ST3GAL4: variants seen among roughly 807,000 people sequenced by gnomAD.
ST3GAL4 encodes CMP-N-acetylneuraminate-beta-galactosamide-alpha-2,3-sialyltransferase 4.
In ST3GAL4, 24 loss-of-function variants were observed where a neutral mutation model predicts 42.6. The observed-to-expected ratio is 0.56, with a 90% CI of 0.41 to 0.79. The LOEUF (loss-of-function observed/expected upper bound fraction) is 0.79, where lower values mean the gene tolerates loss of function less well. Among genes scored for constraint, ST3GAL4 ranks in the 30% least tolerant of loss-of-function variants. The probability of loss-of-function intolerance (pLI) is 0.00; values close to 1 mark genes in which losing one functional copy is unlikely to be tolerated. For synonymous variants in ST3GAL4, 135 were observed against 163.2 expected (o/e 0.83, Z 1.32); for missense variants, 311 against 430.8 (o/e 0.72, Z 2.46).
At chr11:126,371,163 C>CTTTTTCTTTTTTTTTTTTTTT (rs1952628693) in intron 1 of ST3GAL4, among the ~76,000 whole-genome samples, 1 of 59,974 alleles carries the variant, frequency 1.7e-5, no homozygotes, top group Non-Finnish European at 3.0e-5. Flanking sequence ...CCCCACATTC[C>CTTTTTCTTTTTTTTTTTTTTT]TTTTTTTTTT....
intron 1 of ST3GAL4, among the ~76,000 whole-genome samples, chr11:126,367,973 C>T (rs981794110): frequency 6.6e-6 from 1 of 151,864 alleles, no homozygotes; most frequent in Non-Finnish European, 1.5e-5. Flanking sequence ...CATGGTGAAA[C>T]CCCATCTCTA....
At chr11:126,402,611 C>T (rs1417965166) in intron 1 of ST3GAL4, among the ~76,000 whole-genome samples, 1 of 152,180 alleles carries the variant, frequency 6.6e-6, no homozygotes, top group Non-Finnish European at 1.5e-5. Context: ...TTTATGGGTC[C>T]AGGGGCTCTG....
chr11:126,414,139 C>A lies in ST3GAL4; in HGVS notation c.*92C>A. 1 of 1,244,886 alleles carries A rather than the reference C, an allele frequency of 8.0e-7. No homozygotes were observed. The highest frequency in any genetic ancestry group is 1.2e-6 in the Non-Finnish European group (1 of 847,234). The allele number at this position is 1,244,886 out of a possible 1,614,324, so 77.1% of individuals were successfully genotyped here. On this transcript the variant is annotated 3_prime_UTR_variant, in exon 11 of 11. Transcript: ENST00000444328. ...TGGGGGTGGCTGGTGCCAGTATGAC[C>A]CACTTGGACTCACCCCCTCTTGGGG...
rs1034466267 is a variant in ST3GAL4, at chr11:126,384,048, C to T, written c.-60-22048C>T. On this transcript the variant is annotated intron_variant, in intron 1 of 10. Coordinates refer to ENST00000444328, the MANE Select transcript of ST3GAL4 (RefSeq NM_001254757.2). The surrounding 1 kb of genome is among the most constrained non-coding windows in gnomAD (Gnocchi z 5.5). The stretch of plus-strand genomic sequence containing the variant: ...CTCCCTTCCCAATGCAGGGCCCTCT[C>T]CTCTGGCGAGCCTGCCTTGATACTC... 7.9e-5 allele frequency among the ~76,000 whole-genome samples: 12 copies of T among 152,180 alleles called. No homozygotes were observed. Among genetic ancestry groups the T allele is most frequent in the African/African-American group, 2.4e-4 (10 of 41,444 alleles).
At position 126,406,013 on chromosome 11, in the gene ST3GAL4, C is replaced by T; in HGVS notation, c.-60-83C>T. 1 of 1,473,326 alleles carries T rather than the reference C, an allele frequency of 6.8e-7. No homozygotes were observed. The highest frequency in any genetic ancestry group is 9.3e-7 in the Non-Finnish European group (1 of 1,080,786). The allele number at this position is 1,473,326 out of a possible 1,614,324, so 91.3% of individuals were successfully genotyped here. A position where few individuals can be genotyped will look rare whatever the true frequency, so the allele number is the denominator to read the frequency against. Reference sequence around the variant, plus strand: ...CCTGCTTTCTGGTGGAAGGGAGGGGCAGACAGTGGGTGTGTCCTGCTCCAG... The same window carrying T: ...CCTGCTTTCTGGTGGAAGGGAGGGGTAGACAGTGGGTGTGTCCTGCTCCAG... On this transcript the variant is annotated intron_variant, in intron 1 of 10. Transcript: ENST00000444328. This position sits in a 1 kb window ranked among gnomAD's most constrained non-coding sequence, Gnocchi z 5.4.
rs1425400604 is a variant in ST3GAL4 at position 126,392,731 on chromosome 11, T to C, written c.-60-13365T>C. ...TGCTTGCTGGGAGTGCGTGGTCTAA[T>C]TGGTACTTGGGACAGTGTGGTTTAA... On this transcript the variant is annotated intron_variant, in intron 1 of 10. Transcript: ENST00000444328. The surrounding 1 kb of genome is among the most constrained non-coding windows in gnomAD (Gnocchi z 5.8). 1.3e-5 allele frequency among the ~76,000 whole-genome samples: 2 copies of C among 152,176 alleles called. No homozygotes were observed. Among genetic ancestry groups the C allele is most frequent in the Non-Finnish European group, 2.9e-5 (2 of 68,032 alleles).
Position 126,400,267 on chromosome 11 carries a change from G to A in ST3GAL4, c.-60-5829G>A, listed in dbSNP as rs545433900. The stretch of plus-strand genomic sequence containing the variant: ...TCATCCCATGGTGGAGAGTGGAATG[G>A]CAAGACAGATCAAGAGGGGACCTAA... On this transcript the variant is annotated intron_variant, in intron 1 of 10. Transcript: ENST00000444328. This position sits in a 1 kb window ranked among gnomAD's most constrained non-coding sequence, Gnocchi z 4.6. Among the ~76,000 whole-genome samples the A allele has an allele frequency of 6.6e-6, 1 of 152,350 alleles. No homozygotes were observed. The highest frequency in any genetic ancestry group is 2.1e-4 in the South Asian group (1 of 4,826).
chr11:126,358,169 C>T (rs1198977759), intron 1 of ST3GAL4, among the ~76,000 whole-genome samples: 1 of 152,244 alleles, frequency 6.6e-6, no homozygotes, highest in Non-Finnish European at 1.5e-5. Flanking sequence ...ACACCCCGAG[C>T]AAACAGCCCC....
rs762407638 is a variant in ST3GAL4 at position 126,393,557 on chromosome 11, C to T, written c.-60-12539C>T. ...TCAGAGTCAAACGAGTCAGAATAAG[C>T]GGGACCCCTCCACAGGCATCTCAGC... On this transcript the variant is annotated intron_variant, in intron 1 of 10. Transcript: ENST00000444328. This position sits in a 1 kb window ranked among gnomAD's most constrained non-coding sequence, Gnocchi z 5.9. Among the ~76,000 whole-genome samples, 10 of 152,128 alleles carry T rather than the reference C, an allele frequency of 6.6e-5. No individual in the cohort carries two copies. The highest frequency in any genetic ancestry group is 2.2e-4 in the African/African-American group (9 of 41,414).
At position 126,398,544 on chromosome 11, in the gene ST3GAL4, TG is replaced by T. The variant is rs1216090870; in HGVS notation, c.-60-7551del. Among the ~76,000 whole-genome samples, 1 of 152,104 alleles carries T rather than the reference TG, an allele frequency of 6.6e-6. No individual in the cohort carries two copies. The highest frequency in any genetic ancestry group is 1.5e-5 in the Non-Finnish European group (1 of 68,026). ...CACTGGTAGCTCTGCAGTTCTGGGG[TG>T]TCAGGATGGCCTTACTCCCACAGCT... is the stretch of plus-strand genomic sequence containing the variant. On this transcript the variant is annotated intron_variant, in intron 1 of 10. Transcript: ENST00000444328. The surrounding 1 kb of genome is among the most constrained non-coding windows in gnomAD (Gnocchi z 4.7).
Position 126,359,657 on chromosome 11 carries a change from G to A in ST3GAL4, c.-61+3815G>A, listed in dbSNP as rs552593420. On this transcript the variant is annotated intron_variant, in intron 1 of 10. Coordinates refer to ENST00000444328, the MANE Select transcript of ST3GAL4 (RefSeq NM_001254757.2). The surrounding 1 kb of genome is among the most constrained non-coding windows in gnomAD (Gnocchi z 4.8). ...CTCTCCCGAACCCCACATCCCGGCC[G>A]GGCCGTACCCTGAGCACACGCTTGT... Among the ~76,000 whole-genome samples, 7 of 152,156 alleles carry A rather than the reference G, an allele frequency of 4.6e-5. No individual in the cohort carries two copies. The highest frequency in any genetic ancestry group is 1.0e-4 in the Non-Finnish European group (7 of 68,028).
Position 126,384,659 on chromosome 11 carries a change from C to T in ST3GAL4, c.-60-21437C>T, listed in dbSNP as rs915358806. The T allele has an allele frequency of 9.1e-6, 9 of 984,604 alleles. No homozygotes were observed. The highest frequency in any genetic ancestry group is 1.1e-5 in the Non-Finnish European group (9 of 829,330). 61.0% of individuals were successfully genotyped at this position (984,604 alleles called of 1,614,324 possible). ...CCAGGATGTGCTACACCCAGACAGACAGATGGAGAGCCACCTCCCTAGGGG... is the reference window on the plus strand; with the variant it reads ...CCAGGATGTGCTACACCCAGACAGATAGATGGAGAGCCACCTCCCTAGGGG... On this transcript the variant is annotated intron_variant, in intron 1 of 10. Coordinates refer to ENST00000444328, the MANE Select transcript of ST3GAL4 (RefSeq NM_001254757.2). The surrounding 1 kb of genome is among the most constrained non-coding windows in gnomAD (Gnocchi z 5.5).
chr11:126,414,026 C>G lies in ST3GAL4; in HGVS notation c.981C>G (p.Ile327Met). 1.2e-6 allele frequency: 2 copies of G among 1,614,252 alleles called. No individual in the cohort carries two copies. The highest frequency in any genetic ancestry group is 1.7e-6 in the Non-Finnish European group (2 of 1,180,042). ...AGCGGATGCTGGAGATGGGAGCTAT[C>G]AAGAACCTCACGTCCTTCTGACCTG... is the stretch of plus-strand genomic sequence containing the variant. ...AIKRMLEMGA[I>M]KNLTSF The change falls in exon 11 of 11, where the codon ATC (isoleucine) becomes ATG (methionine). Residue 327 changes from isoleucine to methionine, a missense_variant. By Grantham distance (10) the Ile-to-Met change is conservative. Coordinates refer to ENST00000444328, the MANE Select transcript of ST3GAL4 (RefSeq NM_001254757.2).
chr11:126,358,280 G>A (rs1952138683), intron 1 of ST3GAL4: 2 of 261,800 alleles, frequency 7.6e-6, no homozygotes, highest in South Asian at 3.1e-5. Context: ...TTTCCCTCAC[G>A]CTGGGATCCT....
chr11:126,406,857 T>C lies in ST3GAL4; in HGVS notation c.102-86T>C, dbSNP rs967684771. 9 of 1,262,694 alleles carry C rather than the reference T, an allele frequency of 7.1e-6. No individual in the cohort carries two copies. Among genetic ancestry groups the C allele is most frequent in the Non-Finnish European group, 1.0e-5 (9 of 871,568 alleles). The allele number at this position is 1,262,694 out of a possible 1,614,324, so 78.2% of individuals were successfully genotyped here. Reference sequence around the variant, plus strand: ...CCTCCCCGGCACCTTGGGACCTTCATGCCGTGGGAGAAGGCTTAGGCTGCC... The same window carrying C: ...CCTCCCCGGCACCTTGGGACCTTCACGCCGTGGGAGAAGGCTTAGGCTGCC... On this transcript the variant is annotated intron_variant, in intron 3 of 10. Transcript: ENST00000444328. The surrounding 1 kb of genome is among the most constrained non-coding windows in gnomAD (Gnocchi z 5.4).
chr11:126,399,648 T>G (rs922752707), intron 1 of ST3GAL4, among the ~76,000 whole-genome samples: 5 of 152,162 alleles, frequency 3.3e-5, no homozygotes, highest in Non-Finnish European at 5.9e-5. Flanking sequence ...TATTTATTTC[T>G]TCTCAAGTTT....
Position 126,379,482 on chromosome 11 carries a change from T to C in ST3GAL4, c.-61+23640T>C, listed in dbSNP as rs189958856. Among the ~76,000 whole-genome samples, 11 of 152,248 alleles carry C rather than the reference T, an allele frequency of 7.2e-5. No homozygotes were observed. The highest frequency in any genetic ancestry group is 2.9e-5 in the Non-Finnish European group (2 of 68,020). ...ATCCTTAATTTTGTTTTTATATTAT[T>C]ATTATTATTATTGAGACGGAGTTTC... On this transcript the variant is annotated intron_variant, in intron 1 of 10. Coordinates refer to ENST00000444328, the MANE Select transcript of ST3GAL4 (RefSeq NM_001254757.2). The surrounding 1 kb of genome is among the most constrained non-coding windows in gnomAD (Gnocchi z 4.2).
chr11:126,365,463 G>C (rs1211208336), intron 1 of ST3GAL4, among the ~76,000 whole-genome samples: 2 of 152,206 alleles, frequency 1.3e-5, no homozygotes, highest in African/African-American at 2.4e-5. Flanking sequence ...ATCGCCTTCA[G>C]TTGATTTAGT....
At chr11:126,357,434 T>C (rs1952108928) in intron 1 of ST3GAL4, among the ~76,000 whole-genome samples, 1 of 152,160 alleles carries the variant, frequency 6.6e-6, no homozygotes, top group African/African-American at 2.4e-5. Context: ...TGTCTTTAGC[T>C]TGGGGATGGG....
Sources: gnomAD v4.1 joint callset for allele counts (sites outside exome capture counted in the v4.1 genomes callset) on GRCh38, gnomAD v4.1.1 for gene constraint, Gnocchi (gnomAD v3.1) non-coding constraint, MANE v1.5 for transcripts, NCBI Gene and HGNC (gene_info 2026-07-23, HGNC 2026-07-21) for gene names.